Variants in DNAAF11 observed in about 807,000 individuals in gnomAD.
DNAAF11 encodes the protein leucine rich repeat containing 6.
DNAAF11 carries 45 observed loss-of-function variants against 60.8 expected under a neutral mutation model. The ratio of observed to expected loss-of-function variants is 0.74; its 90% CI spans 0.58 to 0.95. DNAAF11 has a LOEUF of 0.95. Ranked by LOEUF, DNAAF11 falls within the 40% of genes least tolerant of loss-of-function variation. The pLI is 0.00. For missense variants in DNAAF11, 546 were observed against 546.2 expected (o/e 1.00, Z 0.00); for synonymous variants, 191 against 183.5 (o/e 1.04, Z -0.33).
At chr8:132,588,821 A>G (rs1816173235) in intron 10 of DNAAF11, among the ~76,000 whole-genome samples, 1 of 152,168 alleles carries the variant, frequency 6.6e-6, no homozygotes, top group Non-Finnish European at 1.5e-5. Flanking sequence ...CAGGAAACTT[A>G]CAATCATGGC....
chr8:132,684,491 T>C, the DNAAF11 span, among the ~76,000 whole-genome samples: 1 of 152,198 alleles, frequency 6.6e-6, no homozygotes, highest in African/African-American at 2.4e-5. Context: ...GGTTGATTGA[T>C]ATCATGTGAT....
At chr8:132,622,501 G>T (rs1055626825) in intron 7 of DNAAF11, 110 bp downstream of exon 7, 1 of 740,754 alleles carries the variant, frequency 1.3e-6, no homozygotes, top group Non-Finnish European at 2.3e-6. Flanking sequence ...AACTTGTTAA[G>T]AGCAGTCAGA....
Position 132,572,436 on chromosome 8 carries a change from G to A in DNAAF11, c.1271C>T (p.Ser424Leu). 1.2e-6 allele frequency: 2 copies of A among 1,612,294 alleles called. No homozygotes were observed. Among genetic ancestry groups the A allele is most frequent in the Non-Finnish European group, 1.7e-6 (2 of 1,179,004 alleles). The change falls in exon 12 of 12, where the codon TCA (serine) becomes TTA (leucine). Residue 424 changes from serine to leucine, a missense_variant. Ser to Leu is a moderately radical substitution (Grantham distance 145, BLOSUM62 -2). Transcript: ENST00000620350. ...EKLEVDPSKH[S>L]FPDVTNIVQE... ...AACTATGTTAGTCACATCAGGGAAT[G>A]AGTGCTTGCTAGGGTCTACTTCTAG...
the DNAAF11 span, chr8:132,687,715 C>T: frequency 2.2e-6 from 1 of 455,866 alleles, no homozygotes; most frequent in Non-Finnish European, 4.4e-6. Context: ...AAGGTAAGAG[C>T]TCAGGGCCTG....
At chr8:132,675,656 G>C, upstream of DNAAF11, 1 of 605,832 alleles carries the variant, frequency 1.7e-6, no homozygotes, top group East Asian at 3.4e-5. Context: ...CGCGTTTCCT[G>C]AGCTCCGCGG....
At chr8:132,664,011 T>G (rs1280786198) in intron 1 of DNAAF11, among the ~76,000 whole-genome samples, 2 of 152,220 alleles carry the variant, frequency 1.3e-5, no homozygotes, top group Non-Finnish European at 2.9e-5. Context: ...CAATCCACCA[T>G]GCTCTGTCAT....
chr8:132,662,194 T>C (rs189672088), intron 1 of DNAAF11, among the ~76,000 whole-genome samples: 3 of 152,350 alleles, frequency 2.0e-5, no homozygotes, highest in Non-Finnish European at 2.9e-5. Context: ...CCACTTGTTT[T>C]GTTTCCAGGA....
Position 132,675,002 on chromosome 8 carries a change from A to C in DNAAF11, c.10+482T>G, listed in dbSNP as rs1825647481. Among the ~76,000 whole-genome samples, 3 of 152,212 alleles carry C rather than the reference A, an allele frequency of 2.0e-5. No homozygotes were observed. In the South Asian group the frequency reaches 6.2e-4, roughly 31 times the overall value. On this transcript the variant is annotated intron_variant, in intron 1 of 11. Transcript: ENST00000620350. ...GCCCAAGGGGTGAAGTCACTCGCTC[A>C]AAGTCACAGGAAGAGGGAGGACTTC...
chr8:132,638,802 T>C (rs1821568956), intron 3 of DNAAF11, among the ~76,000 whole-genome samples: 1 of 152,238 alleles, frequency 6.6e-6, no homozygotes, highest in South Asian at 2.1e-4. Flanking sequence ...CCAGATGCTA[T>C]AGAAACTTGA....
At chr8:132,649,967 TC>T (rs1350525689) in intron 3 of DNAAF11, among the ~76,000 whole-genome samples, 2 of 152,238 alleles carry the variant, frequency 1.3e-5, no homozygotes, top group Non-Finnish European at 2.9e-5. Context: ...TGGTGATTCC[TC>T]AAGGATCTAG....
At chr8:132,593,310 A>C (rs1222524297) in intron 10 of DNAAF11, among the ~76,000 whole-genome samples, 1 of 131,134 alleles carries the variant, frequency 7.6e-6, no homozygotes, top group African/African-American at 2.9e-5. Flanking sequence ...AAAAATAATA[A>C]ACTTCAAAGA....
At chr8:132,631,892 C>CA (rs778906328) in intron 5 of DNAAF11, among the ~76,000 whole-genome samples, 13 of 152,026 alleles carry the variant, frequency 8.6e-5, no homozygotes, top group Non-Finnish European at 1.8e-4. Flanking sequence ...GGAGGGATAG[C>CA]ATTAGGAGAT....
chr8:132,646,617 G>T (rs942919571), intron 3 of DNAAF11, among the ~76,000 whole-genome samples: 5 of 152,126 alleles, frequency 3.3e-5, no homozygotes, highest in African/African-American at 1.2e-4. Context: ...ACACACATTG[G>T]CTCAAAATAA....
chr8:132,697,077 G>A, the DNAAF11 span, among the ~76,000 whole-genome samples: 5 of 152,144 alleles, frequency 3.3e-5, no homozygotes, highest in South Asian at 4.1e-4. Context: ...CACAAAGACC[G>A]CATATTGCAT....
chr8:132,608,848 G>A (rs1818366503), intron 10 of DNAAF11, among the ~76,000 whole-genome samples: 1 of 152,130 alleles, frequency 6.6e-6, no homozygotes, highest in Non-Finnish European at 1.5e-5. Flanking sequence ...ACAACAAATT[G>A]TATTTGCTAT....
intron 5 of DNAAF11, among the ~76,000 whole-genome samples, chr8:132,631,180 C>T (rs941312871): frequency 6.6e-6 from 1 of 152,162 alleles, no homozygotes; most frequent in African/African-American, 2.4e-5. Flanking sequence ...GACCATGATG[C>T]TACTTTCAGG....
the DNAAF11 span, among the ~76,000 whole-genome samples, chr8:132,700,933 TG>T: frequency 6.6e-6 from 1 of 152,198 alleles, no homozygotes; most frequent in African/African-American, 2.4e-5. Flanking sequence ...TAATTTAAAA[TG>T]AACAGAAATT....
chr8:132,673,374 T>G (rs1305061532), intron 1 of DNAAF11, among the ~76,000 whole-genome samples: 1 of 152,176 alleles, frequency 6.6e-6, no homozygotes, highest in Non-Finnish European at 1.5e-5. Context: ...TCAGAGCTAC[T>G]CATTGGAGGA....
At chr8:132,656,967 T>A in intron 2 of DNAAF11, 60 bp from the exon 3 acceptor site, 1 of 598,402 alleles carries the variant, frequency 1.7e-6, no homozygotes, top group Non-Finnish European at 3.0e-6. Context: ...CACTTTTATG[T>A]AATCTATTAC....
Sources: allele counts gnomAD v4.1 joint callset (sites outside exome capture counted in the v4.1 genomes callset), GRCh38; gene constraint gnomAD v4.1.1; transcripts MANE v1.5; gene names NCBI Gene and HGNC (gene_info 2026-07-23, HGNC 2026-07-21).